Variants in PCDHGA8 observed in about 807,000 individuals in gnomAD.
PCDHGA8 encodes protocadherin gamma subfamily A, 8.
PCDHGA8 carries 45 observed loss-of-function variants against 59.2 expected under a neutral mutation model. The ratio of observed to expected loss-of-function variants is 0.76; its 90% CI spans 0.60 to 0.98. The LOEUF (loss-of-function observed/expected upper bound fraction) is 0.98, where lower values mean the gene tolerates loss of function less well. Ranked by LOEUF, PCDHGA8 falls within the 50% of genes least tolerant of loss-of-function variation. The probability of loss-of-function intolerance (pLI) is 0.00; values close to 1 mark genes in which losing one functional copy is unlikely to be tolerated. For synonymous variants in PCDHGA8, 531 were observed against 519.0 expected, an observed-to-expected ratio of 1.02 and a Z score of -0.32; for missense variants, 1,257 against 1,196.2, an observed-to-expected ratio of 1.05 and a Z score of -0.75.
Position 141,491,726 on chromosome 5 carries a change from C to A in PCDHGA8, c.2425-3081C>A, listed in dbSNP as rs1018940432. ...GTGAGGGGCTCGGCGCCGCCCCGGG[C>A]GACCCCTGGGGGCGGCACTGGAGAA... On this transcript the variant is annotated intron_variant, in intron 1 of 3. Coordinates refer to ENST00000398604, the MANE Select transcript of PCDHGA8 (RefSeq NM_032088.2). This position sits in a 1 kb window ranked among gnomAD's most constrained non-coding sequence, Gnocchi z 6.9. 2.2e-5 allele frequency: 36 copies of A among 1,605,766 alleles called. No individual in the cohort carries two copies. Among genetic ancestry groups the A allele is most frequent in the African/African-American group, 4.0e-5 (3 of 74,588 alleles).
chr5:141,393,453 G>A lies in PCDHGA8; in HGVS notation c.640G>A (p.Ala214Thr), dbSNP rs373805221. The change falls in exon 1 of 4, where the codon GCC becomes ACC. Residue 214 changes from alanine (A) to threonine (T), a missense_variant. Coordinates refer to ENST00000398604, the MANE Select transcript of PCDHGA8 (RefSeq NM_032088.2). ...EEAAHHLVLT[A>T]SDGGKPPRSS... ...GGCTGCTCACCACCTGGTCCTCACGGCCTCGGATGGCGGCAAGCCGCCTCG... is the reference window on the plus strand; with the variant it reads ...GGCTGCTCACCACCTGGTCCTCACGACCTCGGATGGCGGCAAGCCGCCTCG... 113 of 1,613,920 alleles carry A rather than the reference G, an allele frequency of 7.0e-5. 1 individual carries two copies. The highest frequency in any genetic ancestry group is 8.9e-5 in the Non-Finnish European group (105 of 1,179,908).
intron 1 of PCDHGA8, chr5:141,405,289 C>G (rs1206637203): frequency 1.7e-5 from 28 of 1,614,070 alleles, no homozygotes; most frequent in Non-Finnish European, 2.4e-5. Context: ...CAGACACACT[C>G]ATCAGCCAGC....
chr5:141,503,910 G>A (rs1311674998), intron 2 of PCDHGA8, among the ~76,000 whole-genome samples: 1 of 152,062 alleles, frequency 6.6e-6, no homozygotes, highest in Admixed American at 6.6e-5. Flanking sequence ...CACACACAAC[G>A]CAACACACAC....
chr5:141,417,899 C>G lies in PCDHGA8; in HGVS notation c.2424+22662C>G, dbSNP rs781294504. On this transcript the variant is annotated intron_variant, in intron 1 of 3. Transcript: ENST00000398604. ...CGCGCAGAGGCGCCGGGCCGGCCCG[C>G]GGCAGGTACTATTTCCTTTGCTGCT... 2.0e-5 allele frequency: 31 copies of G among 1,581,354 alleles called. 2 individuals carry two copies. In the South Asian group the frequency reaches 3.4e-4, roughly 17 times the overall value.
In PCDHGA8 at chr5:141,485,713, G is replaced by A. The variant is rs769162337; in HGVS notation, c.2425-9094G>A. The stretch of plus-strand genomic sequence containing the variant: ...TGAGCTCCAATGAACACTTTGCACT[G>A]GATGTGAAGAAGCGCAGCGACGGCA... On this transcript the variant is annotated intron_variant, in intron 1 of 3. Transcript: ENST00000398604. The surrounding 1 kb of genome is among the most constrained non-coding windows in gnomAD (Gnocchi z 5.7). 2 of 1,614,084 alleles carry A rather than the reference G, an allele frequency of 1.2e-6. No homozygotes were observed. The highest frequency in any genetic ancestry group is 1.3e-5 in the African/African-American group (1 of 74,942).
intron 1 of PCDHGA8, among the ~76,000 whole-genome samples, chr5:141,465,219 C>A (rs1272266733): frequency 6.6e-6 from 1 of 152,004 alleles, no homozygotes; most frequent in Non-Finnish European, 1.5e-5. Context: ...TATTTTTCAA[C>A]ATGAGCTCCA....
chr5:141,490,641 G>A lies in PCDHGA8; in HGVS notation c.2425-4166G>A. 3 of 1,614,160 alleles carry A rather than the reference G, an allele frequency of 1.9e-6. No homozygotes were observed. On this transcript the variant is annotated intron_variant, in intron 1 of 3. Transcript: ENST00000398604. This position sits in a 1 kb window ranked among gnomAD's most constrained non-coding sequence, Gnocchi z 5.4. Reference sequence around the variant, plus strand: ...ACACTGCTTACATCCTAGAAAACCGGCCTCCGGGCTCCCTTCTTTGCACTG... The same window carrying A: ...ACACTGCTTACATCCTAGAAAACCGACCTCCGGGCTCCCTTCTTTGCACTG...
chr5:141,403,339 C>A, intron 1 of PCDHGA8: 2 of 1,614,010 alleles, frequency 1.2e-6, no homozygotes, highest in Non-Finnish European at 1.7e-6. Flanking sequence ...TTAACGACAG[C>A]GCCCCAAAGT....
intron 1 of PCDHGA8, among the ~76,000 whole-genome samples, chr5:141,450,006 C>CTATTTT (rs70988802): frequency 0.12 from 16,177 of 132,696 alleles, 1,810 homozygotes; most frequent in African/African-American, 0.21. Flanking sequence ...TGCCATGTCT[C>CTATTTT]TTTTTTTTTT....
chr5:141,432,991 C>T lies in PCDHGA8; in HGVS notation c.2424+37754C>T. ...CGGCGTCGCACTTTGTGGGCGTGGA[C>T]GGGGTGCAGGCTTTCCTGCAGACCT... is the stretch of plus-strand genomic sequence containing the variant. On this transcript the variant is annotated intron_variant, in intron 1 of 3. Coordinates refer to ENST00000398604, the MANE Select transcript of PCDHGA8 (RefSeq NM_032088.2). This position sits in a 1 kb window ranked among gnomAD's most constrained non-coding sequence, Gnocchi z 6.0. 6.2e-7 allele frequency: 1 copy of T among 1,614,200 alleles called. No individual in the cohort carries two copies. The highest frequency in any genetic ancestry group is 8.5e-7 in the Non-Finnish European group (1 of 1,180,030).
chr5:141,470,016 C>T (rs116065751), intron 1 of PCDHGA8, among the ~76,000 whole-genome samples: 69 of 152,264 alleles, frequency 4.5e-4, no homozygotes, highest in Non-Finnish European at 7.2e-4. Flanking sequence ...GTAATCCCAG[C>T]TACTCGGGAT....
chr5:141,423,234 C>A (rs1408925478), intron 1 of PCDHGA8: 1 of 1,613,800 alleles, frequency 6.2e-7, no homozygotes, highest in Non-Finnish European at 8.5e-7. Context: ...CCGACAGCAT[C>A]CCCGAAGTCC....
At chr5:141,507,016 G>C (rs913170594) in intron 3 of PCDHGA8, 1 of 152,166 alleles carries the variant, frequency 6.6e-6, no homozygotes, top group African/African-American at 2.4e-5. Context: ...AACCGAGAAG[G>C]CACTTGCCCC....
At chr5:141,502,666 T>C (rs962424461) in intron 2 of PCDHGA8, among the ~76,000 whole-genome samples, 10 of 152,234 alleles carry the variant, frequency 6.6e-5, no homozygotes, top group African/African-American at 2.2e-4. Context: ...CTTCATGCAA[T>C]TTTAGTATTC....
At chr5:141,472,994 A>AAAG (rs2099310386) in intron 1 of PCDHGA8, among the ~76,000 whole-genome samples, 1 of 151,692 alleles carries the variant, frequency 6.6e-6, no homozygotes, top group Non-Finnish European at 1.5e-5. Flanking sequence ...AAAAAAAAAA[A>AAAG]AAAGAAAGAA....
chr5:141,405,414 T>G, intron 1 of PCDHGA8: 3 of 1,562,312 alleles, frequency 1.9e-6, no homozygotes, highest in Non-Finnish European at 2.6e-6. Flanking sequence ...TTTCTTTTTT[T>G]GTTTTTTGTT....
chr5:141,464,583 C>T (rs768431243), intron 1 of PCDHGA8, among the ~76,000 whole-genome samples: 6 of 152,024 alleles, frequency 3.9e-5, no homozygotes, highest in Admixed American at 2.0e-4. Context: ...TGAGAATGTC[C>T]ATTGTCCCAT....
Position 141,494,692 on chromosome 5 carries a change from C to T in PCDHGA8, c.2425-115C>T. On this transcript the variant is annotated intron_variant, in intron 1 of 3. Coordinates refer to ENST00000398604, the MANE Select transcript of PCDHGA8 (RefSeq NM_032088.2). ...AGTCCACCCCTGCCCCCTCTTAGTC[C>T]GTTTTCTTCTCTGTGCCCACTCCCC... 2.5e-6 allele frequency: 4 copies of T among 1,581,934 alleles called. No individual in the cohort carries two copies. In the African/African-American group the frequency reaches 4.0e-5, roughly 16 times the overall value.
intron 1 of PCDHGA8, 157 bp from the exon 2 acceptor site, chr5:141,494,645 GTGTAT>G: frequency 1.1e-6 from 1 of 935,948 alleles, no homozygotes; most frequent in Non-Finnish European, 1.3e-6. Context: ...GAGACCTGAG[GTGTAT>G]TTTGTCTTTG....
Sources: allele counts gnomAD v4.1 joint callset (sites outside exome capture counted in the v4.1 genomes callset), GRCh38; gene constraint gnomAD v4.1.1; non-coding constraint Gnocchi (gnomAD v3.1); transcripts MANE v1.5; gene names NCBI Gene and HGNC (gene_info 2026-07-23, HGNC 2026-07-21).